Variants in ZNF621 observed in about 807,000 individuals in gnomAD.
ZNF621 encodes the protein zinc finger protein 621.
A neutral mutation model predicts 12.7 loss-of-function variants in ZNF621; 6 were observed. The observed-to-expected ratio is 0.47, with a 90% CI of 0.26 to 0.93. The LOEUF is 0.93. ZNF621 is among the 40% of genes least tolerant of loss of function. The pLI, the probability that ZNF621 is intolerant of heterozygous loss-of-function variation, is 0.15. For synonymous variants in ZNF621, 156 were observed against 190.3 expected (o/e 0.82, Z 1.48); for missense variants, 474 against 524.0 (o/e 0.90, Z 0.93).
At position 40,533,306 on chromosome 3, in the gene ZNF621, A is replaced by C; in HGVS notation, c.*216A>C. ...CAGGCACGCCTCACCACGCCCAGCTAATTTCTGTATTTTTAGAAGAGATGG... is the reference window on the plus strand; with the variant it reads ...CAGGCACGCCTCACCACGCCCAGCTCATTTCTGTATTTTTAGAAGAGATGG... On this transcript the variant is annotated 3_prime_UTR_variant, in exon 5 of 5. Transcript: ENST00000339296. The C allele has an allele frequency of 1.4e-6, 1 of 730,174 alleles. No individual in the cohort carries two copies. Among genetic ancestry groups the C allele is most frequent in the South Asian group, 2.3e-5 (1 of 43,026 alleles). 45.2% of individuals were successfully genotyped at this position (730,174 alleles called of 1,614,324 possible).
At chr3:40,523,729 G>C (rs1698510620), upstream of ZNF621, among the ~76,000 whole-genome samples, 1 of 151,428 alleles carries the variant, frequency 6.6e-6, no homozygotes, top group African/African-American at 2.4e-5. Flanking sequence ...TTGCGCCATT[G>C]CACTCCAGCC....
rs114516187 is a variant in ZNF621, at chr3:40,526,062, G to A, written c.24+198G>A. ...AAGTTTTGTGTATAGAGAGTGATGA[G>A]TTTGGATGTATAGATTTAAATGGAA... On this transcript the variant is annotated intron_variant, in intron 2 of 4. Transcript: ENST00000339296. 3.7e-3 allele frequency among the ~76,000 whole-genome samples: 557 copies of A among 152,312 alleles called. 1 individual carries two copies. Among genetic ancestry groups the A allele is most frequent in the African/African-American group, 0.013 (535 of 41,564 alleles).
chr3:40,531,969 C>T, intron 4 of ZNF621, 61 bp from the exon 5 acceptor site: 1 of 1,461,526 alleles, frequency 6.8e-7, no homozygotes, highest in South Asian at 1.3e-5. Flanking sequence ...AAATTAGGAA[C>T]ACTGGATCCT....
chr3:40,533,399 C>A lies in ZNF621; in HGVS notation c.*309C>A, dbSNP rs184243754. On this transcript the variant is annotated 3_prime_UTR_variant, in exon 5 of 5. Transcript: ENST00000339296. ...CAAGTGATCCGCCTGCCTTGGCCCC[C>A]CAAAGTGCTGGGATTACAGGAGTGA... 3.1e-6 allele frequency: 1 copy of A among 318,500 alleles called. No individual in the cohort carries two copies. Among genetic ancestry groups the A allele is most frequent in the Admixed American group, 4.5e-5 (1 of 22,062 alleles). The allele number at this position is 318,500 out of a possible 1,614,324, so 19.7% of individuals were successfully genotyped here.
chr3:40,526,239 C>T (rs765860315), intron 2 of ZNF621, among the ~76,000 whole-genome samples: 3 of 152,198 alleles, frequency 2.0e-5, no homozygotes, highest in African/African-American at 7.2e-5. Flanking sequence ...ACTATGATAT[C>T]GGCTCACTGC....
At position 40,529,425 on chromosome 3, in the gene ZNF621, A is replaced by T; in HGVS notation, c.131A>T (p.Tyr44Phe). 2 of 1,613,426 alleles carry T rather than the reference A, an allele frequency of 1.2e-6. No homozygotes were observed. Among genetic ancestry groups the T allele is most frequent in the Non-Finnish European group, 1.7e-6 (2 of 1,179,574 alleles). The change falls in exon 3 of 5, where the codon TAT (tyrosine) becomes TTT (phenylalanine). Residue 44 changes from tyrosine to phenylalanine, a missense_variant. By Grantham distance (22) the Tyr-to-Phe change is conservative (BLOSUM62 3). Transcript: ENST00000339296. ...TACGGGGAGGTGATGCTGGAGAATT[A>T]TGCAAATGTGGCTTCTCTGGGTAAG... is the stretch of plus-strand genomic sequence containing the variant. Reference protein sequence around the residue: ...ALYGEVMLENYANVASLVAFP... With the variant: ...ALYGEVMLENFANVASLVAFP...
In ZNF621 at chr3:40,532,279, A is replaced by C. The variant is rs1339616083; in HGVS notation, c.509A>C (p.Gln170Pro). 6.2e-7 allele frequency: 1 copy of C among 1,613,566 alleles called. No individual in the cohort carries two copies. Among genetic ancestry groups the C allele is most frequent in the Non-Finnish European group, 8.5e-7 (1 of 1,180,044 alleles). Residue 170 changes from glutamine (Q) to proline (P), a missense_variant, in exon 5 of 5, where the codon CAG becomes CCG. Physicochemically the swap from Gln to Pro is moderately conservative, Grantham distance 76 (BLOSUM62 -1). Transcript: ENST00000339296. ...TATAACTCAAAGCTTATTCGGCATC[A>C]GATGAGTCATACTGGGGAAAAGCCC... ...FRYNSKLIRH[Q>P]MSHTGEKPFK...
At chr3:40,531,978 C>T in intron 4 of ZNF621, 52 bp from the exon 5 acceptor site, 1 of 1,507,556 alleles carries the variant, frequency 6.6e-7, no homozygotes, top group South Asian at 1.3e-5. Flanking sequence ...ACACTGGATC[C>T]TACTTTTCTT....
chr3:40,535,783 C>G lies in ZNF621; in HGVS notation c.*2693C>G, dbSNP rs1387077060. 2 of 152,066 alleles carry G rather than the reference C, an allele frequency of 1.3e-5. No individual in the cohort carries two copies. The highest frequency in any genetic ancestry group is 1.9e-4 in the East Asian group (1 of 5,182). The allele number at this position is 152,066 out of a possible 1,614,324, so 9.4% of individuals were successfully genotyped here. A position where few individuals can be genotyped will look rare whatever the true frequency, so the allele number is the denominator to read the frequency against. Reference sequence around the variant, plus strand: ...AATATGTTGAGCAGCTGTAAAATATCAGATACCCATTATAGGCATTGAAGG... The same window carrying G: ...AATATGTTGAGCAGCTGTAAAATATGAGATACCCATTATAGGCATTGAAGG... On this transcript the variant is annotated 3_prime_UTR_variant, in exon 5 of 5. Transcript: ENST00000339296.
chr3:40,532,983 T>C lies in ZNF621; in HGVS notation c.1213T>C (p.Ser405Pro), dbSNP rs990085698. ...GAATTTTTTCATGCTGCTGCCTACATCTGGAATACCTTCTTCATCTGCCCA... is the reference window on the plus strand; with the variant it reads ...GAATTTTTTCATGCTGCTGCCTACACCTGGAATACCTTCTTCATCTGCCCA... ...SGNFFMLLPT[S>P]GIPSSSAQIV... The change falls in exon 5 of 5, where the codon TCT (serine) becomes CCT (proline). Residue 405 changes from serine to proline, a missense_variant. By Grantham distance (74) the Ser-to-Pro change is moderately conservative (BLOSUM62 -1). Transcript: ENST00000339296. The C allele has an allele frequency of 2.6e-6, 4 of 1,551,838 alleles. No individual in the cohort carries two copies. In the African/African-American group the frequency reaches 5.5e-5, roughly 21 times the overall value.
Position 40,536,862 on chromosome 3 carries a change from TAAA to T in ZNF621, c.*3774_*3776del, listed in dbSNP as rs1375028267. 3.3e-5 allele frequency: 5 copies of T among 152,200 alleles called. No homozygotes were observed. Among genetic ancestry groups the T allele is most frequent in the Non-Finnish European group, 7.3e-5 (5 of 68,038 alleles). 9.4% of individuals were successfully genotyped at this position (152,200 alleles called of 1,614,324 possible). A position where few individuals can be genotyped will look rare whatever the true frequency, so the allele number is the denominator to read the frequency against. On this transcript the variant is annotated 3_prime_UTR_variant, in exon 5 of 5. Transcript: ENST00000339296. ...TTTTTCTGTGTCTTACACAGAAACT[TAAA>T]ATATTTCAAACTTTTCATTATATGT...
Position 40,538,203 on chromosome 3 carries a change from C to A in ZNF621, c.*5113C>A. 2.5e-6 allele frequency: 1 copy of A among 404,028 alleles called. No individual in the cohort carries two copies. Among genetic ancestry groups the A allele is most frequent in the Non-Finnish European group, 4.9e-6 (1 of 205,442 alleles). 25.0% of individuals were successfully genotyped at this position (404,028 alleles called of 1,614,324 possible). A position where few individuals can be genotyped will look rare whatever the true frequency, so the allele number is the denominator to read the frequency against. On this transcript the variant is annotated 3_prime_UTR_variant, in exon 5 of 5. Transcript: ENST00000339296. ...GAATATTTTAAGCCCACTGTTGAGA[C>A]CTACTAAATATTAGGAAAAAAGAAT...
intron 1 of ZNF621, 62 bp from the exon 2 acceptor site, chr3:40,525,717 C>G: frequency 7.7e-7 from 1 of 1,303,782 alleles, no homozygotes; most frequent in South Asian, 1.2e-5. Context: ...CTGGGAGGGC[C>G]ATAGGTTGCT....
intron 4 of ZNF621, 141 bp from the exon 5 acceptor site, chr3:40,531,889 C>T: frequency 1.2e-6 from 1 of 814,546 alleles, no homozygotes. Flanking sequence ...TTGTCTCTCT[C>T]ATCCTCCTTT....
rs118088886 is a variant in ZNF621, at chr3:40,527,894, A to G, written c.25-1425A>G. 2.2e-3 allele frequency among the ~76,000 whole-genome samples: 340 copies of G among 152,358 alleles called. 13 individuals carry two copies. In the East Asian group the frequency reaches 0.06, roughly 27 times the overall value. ...TTTAGTTGATAACAAAATTGGGCAG[A>G]AAGCAAGAGTTCCCATTTATCTCCT... On this transcript the variant is annotated intron_variant, in intron 2 of 4. Transcript: ENST00000339296.
In ZNF621 at chr3:40,532,139, G is replaced by A. The variant is rs753782082; in HGVS notation, c.369G>A (p.Gln123=). Residue 123 remains glutamine, a synonymous_variant, in exon 5 of 5, where the codon CAG becomes CAA. Coordinates refer to ENST00000339296, the MANE Select transcript of ZNF621 (RefSeq NM_198484.5). ...GAGGACTTCTCAGGAACGTTTCTCA[G>A]CACTTTGATTTTAAAAGGAAGGCAC... is the stretch of plus-strand genomic sequence containing the variant. The part of the protein sequence containing the change: ...PVGGLLRNVS[Q]HFDFKRKALK... 6.2e-7 allele frequency: 1 copy of A among 1,614,160 alleles called. No individual in the cohort carries two copies. Among genetic ancestry groups the A allele is most frequent in the South Asian group, 1.1e-5 (1 of 91,088 alleles).
chr3:40,538,345 T>C lies in ZNF621; in HGVS notation c.*5255T>C. The C allele has an allele frequency of 4.0e-6, 1 of 251,672 alleles. No homozygotes were observed. The highest frequency in any genetic ancestry group is 8.1e-6 in the Non-Finnish European group (1 of 123,796). 15.6% of individuals were successfully genotyped at this position (251,672 alleles called of 1,614,324 possible). A position where few individuals can be genotyped will look rare whatever the true frequency, so the allele number is the denominator to read the frequency against. On this transcript the variant is annotated 3_prime_UTR_variant, in exon 5 of 5. Coordinates refer to ENST00000339296, the MANE Select transcript of ZNF621 (RefSeq NM_198484.5). ...CTGACCAACATGGAGAAACCCTATC[T>C]CTACTAAAAATACAAAAATTAGCTG... is the stretch of plus-strand genomic sequence containing the variant.
In ZNF621 at chr3:40,532,779, C is replaced by T. The variant is rs1490239805; in HGVS notation, c.1009C>T (p.His337Tyr). The change falls in exon 5 of 5, where the codon CAT (histidine) becomes TAT (tyrosine). Residue 337 changes from histidine to tyrosine, a missense_variant. Physicochemically the swap from His to Tyr is moderately conservative, Grantham distance 83. Coordinates refer to ENST00000339296, the MANE Select transcript of ZNF621 (RefSeq NM_198484.5). ...AFKWYGSFVQ[H>Y]QKLHPVEKKP... ...CAAATGGTATGGAAGTTTTGTTCAGCATCAGAAATTGCACCCTGTGGAGAA... is the reference window on the plus strand; with the variant it reads ...CAAATGGTATGGAAGTTTTGTTCAGTATCAGAAATTGCACCCTGTGGAGAA... 6.2e-7 allele frequency: 1 copy of T among 1,614,052 alleles called. No individual in the cohort carries two copies. Among genetic ancestry groups the T allele is most frequent in the Non-Finnish European group, 8.5e-7 (1 of 1,180,044 alleles).
Position 40,533,185 on chromosome 3 carries a change from G to C in ZNF621, c.*95G>C. 1 of 1,472,618 alleles carries C rather than the reference G, an allele frequency of 6.8e-7. No homozygotes were observed. The highest frequency in any genetic ancestry group is 9.0e-7 in the Non-Finnish European group (1 of 1,113,186). 91.2% of individuals were successfully genotyped at this position (1,472,618 alleles called of 1,614,324 possible). ...AGAAAGGGTCTTGCTCTGTCACCCA[G>C]GCTAGAGTGCGGTGGTGTGATCTTG... On this transcript the variant is annotated 3_prime_UTR_variant, in exon 5 of 5. Transcript: ENST00000339296.
Sources: gnomAD v4.1 joint callset for allele counts (sites outside exome capture counted in the v4.1 genomes callset) on GRCh38, gnomAD v4.1.1 for gene constraint, MANE v1.5 for transcripts, NCBI Gene and HGNC (gene_info 2026-07-23, HGNC 2026-07-21) for gene names.